Variants in NRL observed in about 807,000 individuals in gnomAD.
NRL encodes neural retina leucine zipper, also known as neural retina-specific leucine zipper protein.
Under a neutral mutation model 12.5 loss-of-function variants are expected in NRL, and 16 were observed. The ratio of observed to expected loss-of-function variants is 1.28; its 90% CI spans 0.87 to 1.95. The LOEUF is 1.95. NRL is among the 30% of genes most tolerant of loss of function. The probability of loss-of-function intolerance (pLI) is 0.00; values close to 1 mark genes in which losing one functional copy is unlikely to be tolerated. For synonymous variants in NRL, 142 were observed against 150.9 expected (o/e 0.94, Z 0.43); for missense variants, 314 against 325.8 (o/e 0.96, Z 0.28).
At chr14:24,086,319 T>C (rs1026067773) in intron 1 of NRL, among the ~76,000 whole-genome samples, 1 of 152,210 alleles carries the variant, frequency 6.6e-6, no homozygotes, top group African/African-American at 2.4e-5. Context: ...TCTGTGCATG[T>C]GTATGTGGTC....
At position 24,094,029 on chromosome 14, in the gene NRL, C is replaced by A; in HGVS notation, c.-27-11154G>T. The A allele has an allele frequency of 1.9e-6, 1 of 530,632 alleles. No individual in the cohort carries two copies. Among genetic ancestry groups the A allele is most frequent in the Non-Finnish European group, 3.3e-6 (1 of 303,330 alleles). The allele number at this position is 530,632 out of a possible 1,614,324, so 32.9% of individuals were successfully genotyped here. A position where few individuals can be genotyped will look rare whatever the true frequency, so the allele number is the denominator to read the frequency against. On this transcript the variant is annotated intron_variant, in intron 1 of 2. Coordinates refer to ENST00000561028, the MANE Select transcript of NRL (RefSeq NM_001354768.3). The surrounding 1 kb of genome is among the most constrained non-coding windows in gnomAD (Gnocchi z 4.1). The stretch of plus-strand genomic sequence containing the variant: ...AGTGTCTCTCCCGGGAGCAAGAGTC[C>A]TCAAAGTTACATCATGTGCGGCTGG...
At chr14:24,091,275 T>G (rs2036624445) in intron 1 of NRL, among the ~76,000 whole-genome samples, 1 of 152,060 alleles carries the variant, frequency 6.6e-6, no homozygotes, top group South Asian at 2.1e-4. Context: ...CTCAGCCTCC[T>G]GAGTAGCTGG....
chr14:24,081,340 C>T lies in NRL; in HGVS notation c.610G>A (p.Glu204Lys). 1 of 1,468,822 alleles carries T rather than the reference C, an allele frequency of 6.8e-7. No homozygotes were observed. The highest frequency in any genetic ancestry group is 9.0e-7 in the Non-Finnish European group (1 of 1,108,446). 91.0% of individuals were successfully genotyped at this position (1,468,822 alleles called of 1,614,324 possible). A position where few individuals can be genotyped will look rare whatever the true frequency, so the allele number is the denominator to read the frequency against. ...LAAQLDALRA[E>K]VARLARERDL... ...CGCTCCCGGGCCAGGCGGGCCACCT[C>T]GGCCCGCAGCGCGTCCAGCTGGGCG... The change falls in exon 3 of 3, where the codon GAG becomes AAG. Residue 204 changes from glutamate (E) to lysine (K), a missense_variant. By Grantham distance (56) the Glu-to-Lys change is moderately conservative. Coordinates refer to ENST00000561028, the MANE Select transcript of NRL (RefSeq NM_001354768.3). The surrounding 1 kb of genome is among the most constrained non-coding windows in gnomAD (Gnocchi z 4.4).
rs1272851298 is a variant in NRL, at chr14:24,079,774, C to T, written c.*1462G>A. On this transcript the variant is annotated 3_prime_UTR_variant, in exon 3 of 3. Transcript: ENST00000561028. ...TAACTCGTGAGGCGGCTGCTCCCAG[C>T]ACAACGCCTGTGCTCTGCCCAGAGG... Among the ~76,000 whole-genome samples, 2 of 152,236 alleles carry T rather than the reference C, an allele frequency of 1.3e-5. No individual in the cohort carries two copies. The highest frequency in any genetic ancestry group is 6.5e-5 in the Admixed American group (1 of 15,292).
chr14:24,095,804 G>A (rs933874700), intron 1 of NRL, among the ~76,000 whole-genome samples: 4 of 152,320 alleles, frequency 2.6e-5, no homozygotes, highest in East Asian at 3.9e-4. Context: ...ACAACAGGAC[G>A]CTGACCTCCT....
intron 1 of NRL, chr14:24,099,967 C>T: frequency 6.2e-7 from 1 of 1,613,994 alleles, no homozygotes; most frequent in South Asian, 1.1e-5. Context: ...CTTGTTTGGT[C>T]CTTCCTTTCT....
intron 1 of NRL, among the ~76,000 whole-genome samples, chr14:24,111,350 G>A (rs1419975989): frequency 7.0e-6 from 1 of 143,162 alleles, no homozygotes; most frequent in African/African-American, 2.8e-5. Context: ...AAGAGGCATA[G>A]GTGTTTTTTG....
Position 24,081,824 on chromosome 14 carries a change from C to A in NRL, c.382-256G>T. On this transcript the variant is annotated intron_variant, in intron 2 of 2. Transcript: ENST00000561028. This position sits in a 1 kb window ranked among gnomAD's most constrained non-coding sequence, Gnocchi z 4.4. ...GCAGGGCCGGCCACGGTCAGGCGAGCCCGTCGCGCACCTAAACCCCGGGCT... is the reference window on the plus strand; with the variant it reads ...GCAGGGCCGGCCACGGTCAGGCGAGACCGTCGCGCACCTAAACCCCGGGCT... The A allele has an allele frequency of 6.9e-7, 1 of 1,442,144 alleles. No homozygotes were observed. Among genetic ancestry groups the A allele is most frequent in the Non-Finnish European group, 9.1e-7 (1 of 1,100,220 alleles). The allele number at this position is 1,442,144 out of a possible 1,614,324, so 89.3% of individuals were successfully genotyped here.
chr14:24,110,690 T>G (rs868393658), intron 1 of NRL: 1 of 152,364 alleles, frequency 6.6e-6, no homozygotes, highest in African/African-American at 2.4e-5. Context: ...AGATCTTTGT[T>G]TCCAGTGTTC....
Position 24,081,897 on chromosome 14 carries a change from T to C in NRL, c.382-329A>G. 1 of 1,315,898 alleles carries C rather than the reference T, an allele frequency of 7.6e-7. No individual in the cohort carries two copies. Among genetic ancestry groups the C allele is most frequent in the African/African-American group, 1.5e-5 (1 of 65,174 alleles). The allele number at this position is 1,315,898 out of a possible 1,614,324, so 81.5% of individuals were successfully genotyped here. Reference sequence around the variant, plus strand: ...CAGCTCCAGGCCCGGGTGTGTCCAGTGGACCCGCACCCAGACAGCCCCCAA... The same window carrying C: ...CAGCTCCAGGCCCGGGTGTGTCCAGCGGACCCGCACCCAGACAGCCCCCAA... On this transcript the variant is annotated intron_variant, in intron 2 of 2. Coordinates refer to ENST00000561028, the MANE Select transcript of NRL (RefSeq NM_001354768.3). This position sits in a 1 kb window ranked among gnomAD's most constrained non-coding sequence, Gnocchi z 4.4.
At chr14:24,100,357 C>G (rs760828758) in intron 1 of NRL, 2 of 1,461,242 alleles carry the variant, frequency 1.4e-6, no homozygotes, top group South Asian at 2.9e-5. Flanking sequence ...CAGTCCCAGG[C>G]AAAATCTCAG....
rs1262260053 is a variant in NRL at position 24,094,277 on chromosome 14, C to T, written c.-27-11402G>A. 59 of 895,634 alleles carry T rather than the reference C, an allele frequency of 6.6e-5. No homozygotes were observed. In the South Asian group the frequency reaches 8.3e-4, roughly 13 times the overall value. 55.5% of individuals were successfully genotyped at this position (895,634 alleles called of 1,614,324 possible). On this transcript the variant is annotated intron_variant, in intron 1 of 2. Coordinates refer to ENST00000561028, the MANE Select transcript of NRL (RefSeq NM_001354768.3). This position sits in a 1 kb window ranked among gnomAD's most constrained non-coding sequence, Gnocchi z 4.1. ...CAGGTTCCGCCCCCGCGCCTGCCCC[C>T]CTCCTTTTTAAGCGCCTCCCGCCAG...
At chr14:24,106,876 G>A (rs1012273953) in intron 1 of NRL, among the ~76,000 whole-genome samples, 4 of 152,182 alleles carry the variant, frequency 2.6e-5, no homozygotes, top group African/African-American at 7.2e-5. Flanking sequence ...AGCCAGAGGT[G>A]CCTCTCAGTT....
chr14:24,105,031 A>C (rs1254345835), intron 1 of NRL, among the ~76,000 whole-genome samples: 1 of 152,246 alleles, frequency 6.6e-6, no homozygotes, highest in African/African-American at 2.4e-5. Context: ...CACAGCCTTC[A>C]GAGCTGACAG....
intron 1 of NRL, chr14:24,102,746 C>T: frequency 6.2e-7 from 1 of 1,612,060 alleles, no homozygotes; most frequent in Non-Finnish European, 8.5e-7. Context: ...TGTATTTCCT[C>T]TGCCAGGTGA....
intron 1 of NRL, chr14:24,096,873 G>C: frequency 6.2e-7 from 1 of 1,603,776 alleles, no homozygotes; most frequent in South Asian, 1.1e-5. Context: ...CTAGCTCATT[G>C]CCTCTGTTTC....
At chr14:24,088,598 C>T (rs2036524220) in intron 1 of NRL, among the ~76,000 whole-genome samples, 1 of 151,640 alleles carries the variant, frequency 6.6e-6, no homozygotes, top group Non-Finnish European at 1.5e-5. Context: ...ATATATTTGT[C>T]AAGGTAGAAG....
At chr14:24,103,507 C>CA in intron 1 of NRL, 1 of 1,542,278 alleles carries the variant, frequency 6.5e-7, no homozygotes, top group Non-Finnish European at 8.7e-7. Flanking sequence ...GCTTCCCCCC[C>CA]AGGGAAGATC....
At chr14:24,108,738 A>G (rs1189493686) in intron 1 of NRL, among the ~76,000 whole-genome samples, 1 of 152,210 alleles carries the variant, frequency 6.6e-6, no homozygotes, top group East Asian at 1.9e-4. Context: ...TCCCATAGTT[A>G]CTTAGTGGCT....
Sources: allele counts gnomAD v4.1 joint callset (sites outside exome capture counted in the v4.1 genomes callset), GRCh38; gene constraint gnomAD v4.1.1; non-coding constraint Gnocchi (gnomAD v3.1); transcripts MANE v1.5; gene names NCBI Gene and HGNC (gene_info 2026-07-23, HGNC 2026-07-21).